The following LCORL variants were observed in gnomAD, a reference collection of about 807,000 sequenced individuals.
LCORL encodes the protein ligand-dependent nuclear receptor corepressor-like protein.
In LCORL, 41 loss-of-function variants were observed where a neutral mutation model predicts 141.8. The observed-to-expected ratio is 0.29, with a 90% confidence interval of 0.23 to 0.38. LCORL has a LOEUF of 0.38. Ranked by LOEUF, LCORL falls within the 10% of genes least tolerant of loss-of-function variation. LCORL has a pLI of 1.00. For missense variants in LCORL, 1,759 were observed against 2,035.0 expected, an observed-to-expected ratio of 0.86 and a Z score of 2.61; for synonymous variants, 618 against 694.1, an observed-to-expected ratio of 0.89 and a Z score of 1.72.
At chr4:17,932,562 CT>C (rs1300186844) in intron 4 of LCORL, among the ~76,000 whole-genome samples, 4 of 152,226 alleles carry the variant, frequency 2.6e-5, no homozygotes, top group Admixed American at 6.5e-5. Flanking sequence ...CTGCTTTAGC[CT>C]TAAATAAAAT....
chr4:17,879,505 C>T (rs1320230579), intron 6 of LCORL, among the ~76,000 whole-genome samples: 1 of 150,972 alleles, frequency 6.6e-6, no homozygotes, highest in Non-Finnish European at 1.5e-5. Context: ...TCACTGCCGC[C>T]TCTAGACAGA....
chr4:17,985,408 T>C (rs561591683), intron 1 of LCORL, among the ~76,000 whole-genome samples: 72 of 152,266 alleles, frequency 4.7e-4, no homozygotes, highest in African/African-American at 1.5e-3. Context: ...CTAAGTATCT[T>C]AGTAGGTCTC....
At chr4:17,874,627 C>T (rs1043540215) in exon 7 of LCORL, 2 of 1,233,540 alleles carry the variant, frequency 1.6e-6, no homozygotes, top group Non-Finnish European at 2.0e-6. Flanking sequence ...GCTTCATCTC[C>T]ACTTACTTGC....
intron 4 of LCORL, chr4:17,960,367 C>T (rs1577553931): frequency 6.5e-6 from 1 of 154,178 alleles, no homozygotes; most frequent in South Asian, 2.0e-4. Flanking sequence ...GGAGCATAGG[C>T]TAACTCCATA....
intron 7 of LCORL, among the ~76,000 whole-genome samples, chr4:17,860,002 T>C (rs987007741): frequency 6.6e-5 from 10 of 152,134 alleles, no homozygotes; most frequent in African/African-American, 2.4e-4. Flanking sequence ...GGGAAAACAT[T>C]CCATGATTAT....
intron 5 of LCORL, among the ~76,000 whole-genome samples, chr4:17,895,540 A>G (rs1214826574): frequency 2.0e-5 from 3 of 151,968 alleles, no homozygotes; most frequent in Non-Finnish European, 4.4e-5. Flanking sequence ...ATACCACACT[A>G]AAAAAAACCA....
intron 4 of LCORL, among the ~76,000 whole-genome samples, chr4:17,941,344 T>C (rs2109479945): frequency 6.6e-6 from 1 of 152,090 alleles, no homozygotes; most frequent in South Asian, 2.1e-4. Flanking sequence ...CATTTTTATA[T>C]GCTACTCAGG....
intron 2 of LCORL, among the ~76,000 whole-genome samples, chr4:17,964,642 T>A (rs930522309): frequency 2.0e-5 from 3 of 152,110 alleles, no homozygotes; most frequent in South Asian, 2.1e-4. Context: ...TTTCAAACTT[T>A]CACCCCCTCA....
intron 1 of LCORL, among the ~76,000 whole-genome samples, chr4:17,989,448 A>G (rs1719589570): frequency 6.6e-6 from 1 of 152,214 alleles, no homozygotes; most frequent in African/African-American, 2.4e-5. Flanking sequence ...AAATATTTCA[A>G]TGACACCAAA....
intron 5 of LCORL, among the ~76,000 whole-genome samples, chr4:17,888,987 GCT>G (rs1174155214): frequency 6.6e-6 from 1 of 151,950 alleles, no homozygotes; most frequent in Admixed American, 6.6e-5. Context: ...CCCATTCTAA[GCT>G]CTCTTAGACT....
chr4:17,933,451 C>G (rs1736369428), intron 4 of LCORL, among the ~76,000 whole-genome samples: 1 of 152,008 alleles, frequency 6.6e-6, no homozygotes, highest in Non-Finnish European at 1.5e-5. Flanking sequence ...TCAGTCAAAT[C>G]TATTCTCCTT....
At position 18,021,785 on chromosome 4, in the gene LCORL, C is replaced by G. The variant is rs760212479; in HGVS notation, c.-34G>C. 2.0e-6 allele frequency: 3 copies of G among 1,466,572 alleles called. No individual in the cohort carries two copies. The highest frequency in any genetic ancestry group is 1.5e-5 in the African/African-American group (1 of 67,876). 90.8% of individuals were successfully genotyped at this position (1,466,572 alleles called of 1,614,324 possible). A position where few individuals can be genotyped will look rare whatever the true frequency, so the allele number is the denominator to read the frequency against. ...CGCGTCACGCGCCCTCATTTACATA[C>G]GAGCAGCGCAGGCACGAGGCAGGGG... On this transcript the variant is annotated 5_prime_UTR_variant, in exon 1 of 8. Coordinates refer to ENST00000635767, the Ensembl canonical transcript of LCORL. This position sits in a 1 kb window ranked among gnomAD's most constrained non-coding sequence, Gnocchi z 5.5.
chr4:17,903,333 G>A (rs1435468059), intron 5 of LCORL, among the ~76,000 whole-genome samples: 1 of 152,008 alleles, frequency 6.6e-6, no homozygotes, highest in Admixed American at 6.6e-5. Context: ...TATTAACAAA[G>A]TTAATGAAGT....
At chr4:17,864,727 A>G (rs923234284) in intron 7 of LCORL, among the ~76,000 whole-genome samples, 4 of 152,228 alleles carry the variant, frequency 2.6e-5, no homozygotes, top group Non-Finnish European at 5.9e-5. Context: ...GCAAGCCTCA[A>G]TTCTGTGTTG....
At chr4:17,960,684 G>A (rs1198630985) in intron 4 of LCORL, among the ~76,000 whole-genome samples, 1 of 152,048 alleles carries the variant, frequency 6.6e-6, no homozygotes, top group African/African-American at 2.4e-5. Context: ...TTGAACAAAT[G>A]GGCTGAAGCA....
intron 4 of LCORL, among the ~76,000 whole-genome samples, chr4:17,954,186 CAAAT>C (rs1384437132): frequency 4.0e-5 from 6 of 151,582 alleles, no homozygotes; most frequent in African/African-American, 1.5e-4. Flanking sequence ...CAAAAACAAA[CAAAT>C]AAACAAAAAC....
chr4:17,905,727 T>C (rs921120630), intron 5 of LCORL, among the ~76,000 whole-genome samples: 17 of 152,140 alleles, frequency 1.1e-4, no homozygotes, highest in African/African-American at 4.1e-4. Context: ...GATTTATGGA[T>C]TGTCATCTAA....
intron 4 of LCORL, chr4:17,912,210 G>A: frequency 1.3e-6 from 1 of 772,140 alleles, no homozygotes. Flanking sequence ...ATGAGACAAA[G>A]CTGGCCGTGC....
chr4:17,877,993 A>G (rs753874859), exon 7 of LCORL: 30 of 1,230,532 alleles, frequency 2.4e-5, no homozygotes, highest in Non-Finnish European at 2.9e-5. Context: ...AACAGACCAC[A>G]TAAATCATCT....
Sources: gnomAD v4.1 joint callset for allele counts (sites outside exome capture counted in the v4.1 genomes callset) on GRCh38, gnomAD v4.1.1 for gene constraint, Gnocchi (gnomAD v3.1) non-coding constraint, MANE v1.5 for transcripts, NCBI Gene and HGNC (gene_info 2026-07-23, HGNC 2026-07-21) for gene names.